EXOC6B: variants seen among roughly 807,000 people sequenced by gnomAD.
EXOC6B encodes the protein SEC15 homolog B.
Under a neutral mutation model 113.5 loss-of-function variants are expected in EXOC6B, and 54 were observed. That is an observed-to-expected ratio of 0.48 (90% confidence interval 0.38 to 0.60). EXOC6B has a LOEUF of 0.60. Among genes scored for constraint, EXOC6B ranks in the 20% least tolerant of loss-of-function variants. EXOC6B has a pLI of 0.00. For missense variants in EXOC6B, 797 were observed against 977.5 expected, an observed-to-expected ratio of 0.82 and a Z score of 2.46; for synonymous variants, 357 against 339.0, an observed-to-expected ratio of 1.05 and a Z score of -0.58.
At chr2:72,487,843 G>T (rs1270691413) in intron 16 of EXOC6B, among the ~76,000 whole-genome samples, 1 of 152,168 alleles carries the variant, frequency 6.6e-6, no homozygotes, top group Admixed American at 6.5e-5. Flanking sequence ...CATCACTGAT[G>T]ATGTTAACCT....
intron 20 of EXOC6B, among the ~76,000 whole-genome samples, chr2:72,214,689 G>A (rs1386387080): frequency 1.3e-5 from 2 of 152,064 alleles, no homozygotes; most frequent in Non-Finnish European, 2.9e-5. Context: ...GTGAGGAGAT[G>A]GCCACTTGCA....
intron 20 of EXOC6B, among the ~76,000 whole-genome samples, chr2:72,203,123 A>C (rs575675565): frequency 1.3e-5 from 2 of 152,294 alleles, no homozygotes; most frequent in African/African-American, 4.8e-5. Flanking sequence ...TGATAATGAC[A>C]ATGAAGATGG....
At chr2:72,471,761 T>A (rs1301878723) in intron 17 of EXOC6B, among the ~76,000 whole-genome samples, 1 of 152,212 alleles carries the variant, frequency 6.6e-6, no homozygotes, top group Non-Finnish European at 1.5e-5. Flanking sequence ...GTAGTGAGAA[T>A]GAGCATCCTT....
chr2:72,764,659 C>T (rs1682956828), intron 1 of EXOC6B, among the ~76,000 whole-genome samples: 1 of 152,048 alleles, frequency 6.6e-6, no homozygotes, highest in Admixed American at 6.6e-5. Flanking sequence ...AGCCACCGTG[C>T]CTGACCCCCT....
chr2:72,631,461 T>TAG (rs372313608), intron 6 of EXOC6B, among the ~76,000 whole-genome samples: 7 of 9,744 alleles, frequency 7.2e-4, no homozygotes, highest in Non-Finnish European at 1.8e-3. Flanking sequence ...TATATATATA[T>TAG]AGAGAGAGAG....
At chr2:72,219,057 CA>C (rs1189828170) in intron 20 of EXOC6B, among the ~76,000 whole-genome samples, 14 of 151,856 alleles carry the variant, frequency 9.2e-5, no homozygotes, top group Non-Finnish European at 5.9e-5. Flanking sequence ...TTGTTTGTAT[CA>C]GGGGGCCTTG....
At chr2:72,679,220 C>T (rs1236531090) in intron 6 of EXOC6B, among the ~76,000 whole-genome samples, 7 of 152,124 alleles carry the variant, frequency 4.6e-5, no homozygotes, top group Non-Finnish European at 5.9e-5. Context: ...GCACATGCCA[C>T]CACACCCAGC....
intron 6 of EXOC6B, among the ~76,000 whole-genome samples, chr2:72,604,325 A>G (rs552599824): frequency 1.8e-4 from 28 of 152,312 alleles, no homozygotes; most frequent in African/African-American, 6.3e-4. Flanking sequence ...GATTCGTCAA[A>G]GATAACTTTG....
At chr2:72,515,726 T>C in intron 8 of EXOC6B, 2 of 986,878 alleles carry the variant, frequency 2.0e-6, no homozygotes, top group South Asian at 9.4e-5. Flanking sequence ...TAATAATATC[T>C]GACTCATGAG....
At chr2:72,583,442 G>A (rs534232062) in intron 6 of EXOC6B, among the ~76,000 whole-genome samples, 1 of 152,168 alleles carries the variant, frequency 6.6e-6, no homozygotes, top group Non-Finnish European at 1.5e-5. Context: ...GAAAAATCTT[G>A]ATAGTAGCTA....
chr2:72,749,223 A>G (rs1043854086), intron 1 of EXOC6B, among the ~76,000 whole-genome samples: 7 of 152,098 alleles, frequency 4.6e-5, no homozygotes, highest in African/African-American at 1.7e-4. Flanking sequence ...AACCTAGAAA[A>G]CTGCTGAAAG....
intron 19 of EXOC6B, among the ~76,000 whole-genome samples, chr2:72,366,078 A>G (rs1176089126): frequency 6.6e-6 from 1 of 152,190 alleles, no homozygotes; most frequent in Non-Finnish European, 1.5e-5. Context: ...ACCAGGATGC[A>G]AAGAAACAGG....
intron 1 of EXOC6B, among the ~76,000 whole-genome samples, chr2:72,747,330 G>T (rs754398218): frequency 1.3e-5 from 2 of 151,940 alleles, no homozygotes; most frequent in Non-Finnish European, 2.9e-5. Context: ...TCCAAGAAAA[G>T]GTTTTCTTTC....
chr2:72,825,962 T>A lies in EXOC6B; in HGVS notation c.-52A>T. On this transcript the variant is annotated 5_prime_UTR_variant, in exon 1 of 22. Coordinates refer to ENST00000272427, the MANE Select transcript of EXOC6B (RefSeq NM_015189.3). This position sits in a 1 kb window ranked among gnomAD's most constrained non-coding sequence, Gnocchi z 4.4. ...CCCTCCGTCGGCTCGGCTCACCTTT[T>A]CCCTGCCCCACAATGCCGCTCCCAC... 6.3e-7 allele frequency: 1 copy of A among 1,596,408 alleles called. No individual in the cohort carries two copies.
chr2:72,349,078 T>C (rs181022248), intron 19 of EXOC6B, among the ~76,000 whole-genome samples: 9 of 152,324 alleles, frequency 5.9e-5, no homozygotes, highest in Admixed American at 2.6e-4. Context: ...CTAGCCCTTG[T>C]AGAATTTACT....
In EXOC6B at chr2:72,380,424, G is replaced by A. The variant is rs185612147; in HGVS notation, c.1981-554C>T. 4.1e-3 allele frequency among the ~76,000 whole-genome samples: 625 copies of A among 152,282 alleles called. 3 individuals carry two copies. Among genetic ancestry groups the A allele is most frequent in the Non-Finnish European group, 6.5e-3 (445 of 68,020 alleles). On this transcript the variant is annotated intron_variant, in intron 18 of 21. Coordinates refer to ENST00000272427, the MANE Select transcript of EXOC6B (RefSeq NM_015189.3). ...GGAGGCCGAGGCGGGCAGATCACAA[G>A]GTCAGGAGATCGAGACCATCCTGGC...
rs543900460 is a variant in EXOC6B at position 72,816,333 on chromosome 2, T to TA, written c.113+9464dup. On this transcript the variant is annotated intron_variant, in intron 1 of 21. Coordinates refer to ENST00000272427, the MANE Select transcript of EXOC6B (RefSeq NM_015189.3). ...CATAATGGAATACTATGTAGCTATT[T>TA]AAAAAAAATAAGGAAAACCTCTATA... Among the ~76,000 whole-genome samples, 30 of 152,068 alleles carry TA rather than the reference T, an allele frequency of 2.0e-4. No individual in the cohort carries two copies. The East Asian group carries it at 4.2e-3, about 22-fold the overall frequency.
chr2:72,214,588 C>T (rs2104399196), intron 20 of EXOC6B, among the ~76,000 whole-genome samples: 1 of 152,166 alleles, frequency 6.6e-6, no homozygotes, highest in East Asian at 1.9e-4. Flanking sequence ...GCCAATCTAC[C>T]ACATTTCTGT....
intron 20 of EXOC6B, among the ~76,000 whole-genome samples, chr2:72,292,278 A>G (rs1015305365): frequency 2.0e-5 from 3 of 151,518 alleles, no homozygotes; most frequent in Non-Finnish European, 4.4e-5. Context: ...GTCTATATCA[A>G]TCCATAAAAT....
Sources: gnomAD v4.1 joint callset for allele counts (sites outside exome capture counted in the v4.1 genomes callset) on GRCh38, gnomAD v4.1.1 for gene constraint, Gnocchi (gnomAD v3.1) non-coding constraint, MANE v1.5 for transcripts, NCBI Gene and HGNC (gene_info 2026-07-23, HGNC 2026-07-21) for gene names.